CLPB: variants seen among roughly 807,000 people sequenced by gnomAD.
CLPB encodes ClpB family mitochondrial disaggregase.
CLPB carries 40 observed loss-of-function variants against 78.4 expected under a neutral mutation model. That is an observed-to-expected ratio of 0.51 (90% CI 0.40 to 0.66). CLPB has a LOEUF of 0.66. CLPB is among the 30% of genes least tolerant of loss of function. The pLI, the probability that CLPB is intolerant of heterozygous loss-of-function variation, is 0.00. For synonymous variants in CLPB, 333 were observed against 348.0 expected, an observed-to-expected ratio of 0.96 and a Z score of 0.48; for missense variants, 780 against 886.9, an observed-to-expected ratio of 0.88 and a Z score of 1.53.
chr11:72,358,351 A>C (rs960007380), intron 5 of CLPB, among the ~76,000 whole-genome samples: 1 of 152,170 alleles, frequency 6.6e-6, no homozygotes, highest in Non-Finnish European at 1.5e-5. Flanking sequence ...AAATAAAAAC[A>C]ATTTCAGGTT....
intron 1 of CLPB, among the ~76,000 whole-genome samples, chr11:72,430,907 C>T (rs1266142710): frequency 1.3e-5 from 2 of 152,184 alleles, no homozygotes; most frequent in Non-Finnish European, 2.9e-5. Flanking sequence ...TCCCACTACT[C>T]ACCACGTGAC....
At position 72,294,627 on chromosome 11, in the gene CLPB, A is replaced by G. The variant is rs980128591; in HGVS notation, c.1553T>C (p.Ile518Thr). ...KNFKENVIRPILKAHFRRDEF... is the reference protein window; with the variant it reads ...KNFKENVIRPTLKAHFRRDEF... ...CCAAGAAAGACCTCTTACTTTCAGG[A>G]TAGGGCGAATCACATTCTCCTTGAA... is the stretch of plus-strand genomic sequence containing the variant. Residue 518 changes from isoleucine (I) to threonine (T), a missense_variant, in exon 13 of 16, where the codon ATC (isoleucine) becomes ACC (threonine). Coordinates refer to ENST00000538039, the MANE Select transcript of CLPB (RefSeq NM_001258392.3). The G allele has an allele frequency of 6.2e-6, 10 of 1,613,930 alleles. No individual in the cohort carries two copies. The highest frequency in any genetic ancestry group is 8.5e-6 in the Non-Finnish European group (10 of 1,179,882).
intron 3 of CLPB, among the ~76,000 whole-genome samples, chr11:72,386,409 G>A (rs542115951): frequency 3.5e-4 from 53 of 152,214 alleles, no homozygotes; most frequent in African/African-American, 1.2e-3. Context: ...ATTACTTATC[G>A]TAACTATTAA....
chr11:72,409,121 C>T (rs527743569), intron 2 of CLPB, among the ~76,000 whole-genome samples: 28 of 152,060 alleles, frequency 1.8e-4, no homozygotes, highest in Middle Eastern at 3.4e-3. Flanking sequence ...CAGCCTGTGT[C>T]CAGGGGCTAG....
chr11:72,346,660 T>C (rs147869940), intron 5 of CLPB, among the ~76,000 whole-genome samples: 1 of 151,524 alleles, frequency 6.6e-6, no homozygotes, highest in African/African-American at 2.4e-5. Context: ...TAACTAAGCC[T>C]ATAATAAATT....
intron 5 of CLPB, chr11:72,337,104 A>G (rs939947343): frequency 2.0e-5 from 8 of 398,532 alleles, no homozygotes; most frequent in South Asian, 1.3e-4. Context: ...GTCAGAGCCA[A>G]TTCTCCTCTA....
intron 3 of CLPB, among the ~76,000 whole-genome samples, chr11:72,386,011 A>G (rs1353714035): frequency 6.6e-6 from 1 of 152,228 alleles, no homozygotes; most frequent in African/African-American, 2.4e-5. Context: ...ATCAAAAAGT[A>G]TAAGCATTTT....
At chr11:72,314,489 G>C (rs939323266) in intron 7 of CLPB, among the ~76,000 whole-genome samples, 1 of 152,130 alleles carries the variant, frequency 6.6e-6, no homozygotes, top group African/African-American at 2.4e-5. Flanking sequence ...TTTTACCTCA[G>C]GGTACATCCT....
intron 6 of CLPB, among the ~76,000 whole-genome samples, chr11:72,322,094 G>A (rs2135536549): frequency 6.6e-6 from 1 of 152,164 alleles, no homozygotes; most frequent in Non-Finnish European, 1.5e-5. Context: ...AGATGAGAGA[G>A]GCACACAAGG....
chr11:72,339,847 T>C (rs981084195), intron 5 of CLPB, among the ~76,000 whole-genome samples: 3 of 152,222 alleles, frequency 2.0e-5, no homozygotes, highest in East Asian at 3.8e-4. Flanking sequence ...AATTCAAAAA[T>C]GCGTTTGGTT....
intron 3 of CLPB, among the ~76,000 whole-genome samples, chr11:72,396,082 T>C (rs1358228011): frequency 2.6e-5 from 4 of 152,142 alleles, no homozygotes; most frequent in African/African-American, 9.7e-5. Context: ...AAATGACTGC[T>C]GTGAGAGGGA....
chr11:72,312,259 A>G lies in CLPB; in HGVS notation c.989-3655T>C, dbSNP rs1230057917. Among the ~76,000 whole-genome samples, 1 of 152,258 alleles carries G rather than the reference A, an allele frequency of 6.6e-6. No individual in the cohort carries two copies. Among genetic ancestry groups the G allele is most frequent in the East Asian group, 1.9e-4 (1 of 5,204 alleles). On this transcript the variant is annotated intron_variant, in intron 7 of 15. Coordinates refer to ENST00000538039, the MANE Select transcript of CLPB (RefSeq NM_001258392.3). This position sits in a 1 kb window ranked among gnomAD's most constrained non-coding sequence, Gnocchi z 4.2. ...CGAGGAGTGGGATAACAATAAGAGT[A>G]AAAATAATGGTAGTCATAGCAGCAG...
At chr11:72,354,587 C>T in intron 5 of CLPB, 1 of 361,640 alleles carries the variant, frequency 2.8e-6, no homozygotes, top group Non-Finnish European at 4.9e-6. Flanking sequence ...GTCCTACTGC[C>T]TCTTCCCCAC....
At chr11:72,376,434 A>C (rs1243904049) in intron 4 of CLPB, among the ~76,000 whole-genome samples, 1 of 152,120 alleles carries the variant, frequency 6.6e-6, no homozygotes, top group East Asian at 1.9e-4. Flanking sequence ...GACTATCACT[A>C]TCCAGGTCCA....
At chr11:72,403,767 T>C (rs996616368) in intron 2 of CLPB, among the ~76,000 whole-genome samples, 2 of 152,130 alleles carry the variant, frequency 1.3e-5, no homozygotes, top group Non-Finnish European at 2.9e-5. Flanking sequence ...TTGTAGAAGC[T>C]CAATAATTAT....
At chr11:72,315,800 G>T (rs1486606743) in intron 7 of CLPB, among the ~76,000 whole-genome samples, 3 of 152,162 alleles carry the variant, frequency 2.0e-5, no homozygotes, top group Admixed American at 2.0e-4. Flanking sequence ...ACACTAGCTT[G>T]GAGAACTCAG....
intron 4 of CLPB, chr11:72,373,030 T>G (rs202180604): frequency 6.2e-7 from 1 of 1,612,008 alleles, no homozygotes; most frequent in East Asian, 2.2e-5. Context: ...GACACAGAGA[T>G]GGGGAGGTCA....
chr11:72,383,381 A>T (rs1332040476), intron 3 of CLPB, among the ~76,000 whole-genome samples: 1 of 151,958 alleles, frequency 6.6e-6, no homozygotes, highest in African/African-American at 2.4e-5. Flanking sequence ...AAATAAAAAA[A>T]TTAGCCAGGC....
At chr11:72,375,804 G>A (rs1422563906) in intron 4 of CLPB, among the ~76,000 whole-genome samples, 1 of 152,176 alleles carries the variant, frequency 6.6e-6, no homozygotes, top group Non-Finnish European at 1.5e-5. Flanking sequence ...AGAACACGCT[G>A]AATTATGCAT....
Sources: gnomAD v4.1 joint callset for allele counts (sites outside exome capture counted in the v4.1 genomes callset) on GRCh38, gnomAD v4.1.1 for gene constraint, Gnocchi (gnomAD v3.1) non-coding constraint, MANE v1.5 for transcripts, NCBI Gene and HGNC (gene_info 2026-07-23, HGNC 2026-07-21) for gene names.